The following NEUROD2 variants were observed in gnomAD, a reference collection of about 807,000 sequenced individuals.
NEUROD2 encodes the protein neurogenic differentiation factor 2.
Under a neutral mutation model 9.3 loss-of-function variants are expected in NEUROD2, and 5 were observed. That is an observed-to-expected ratio of 0.54 (90% CI 0.28 to 1.13). The LOEUF is 1.13. Ranked by LOEUF, NEUROD2 falls within the 50% of genes most tolerant of loss-of-function variation. The probability of loss-of-function intolerance (pLI) is 0.10; values close to 1 mark genes in which losing one functional copy is unlikely to be tolerated. For missense variants in NEUROD2, 376 were observed against 549.2 expected, an observed-to-expected ratio of 0.68 and a Z score of 3.15; for synonymous variants, 277 against 257.3, an observed-to-expected ratio of 1.08 and a Z score of -0.73.
rs2056760530 is a variant in NEUROD2 at position 39,604,845 on chromosome 17, A to C, written c.*606T>G. On this transcript the variant is annotated 3_prime_UTR_variant, in exon 2 of 2. Transcript: ENST00000302584. ...GAAAAGGGAAAAACGGATTCTAGTT[A>C]CAAATTGTCTTGGCCTCTCTCTTTC... The C allele has an allele frequency of 7.8e-6, 1 of 128,470 alleles. No individual in the cohort carries two copies. Among genetic ancestry groups the C allele is most frequent in the Non-Finnish European group, 1.5e-5 (1 of 65,036 alleles). The allele number at this position is 128,470 out of a possible 1,614,324, so 8.0% of individuals were successfully genotyped here.
chr17:39,607,538 A>G, intron 1 of NEUROD2, 190 bp downstream of exon 1: 1 of 905,022 alleles, frequency 1.1e-6, no homozygotes, highest in Non-Finnish European at 1.3e-6. Context: ...TCGCAGGCAG[A>G]GACACCTCCT....
Position 39,605,159 on chromosome 17 carries a change from G to T in NEUROD2, c.*292C>A, listed in dbSNP as rs570821806. The T allele has an allele frequency of 1.4e-4, 45 of 313,146 alleles. No individual in the cohort carries two copies. The highest frequency in any genetic ancestry group is 8.7e-4 in the African/African-American group (41 of 46,928). The allele number at this position is 313,146 out of a possible 1,614,324, so 19.4% of individuals were successfully genotyped here. ...CAGCGAAGATATTGGGAATGGGGGAGGGGTGCCTCCAGGGAGCCCCCGGAG... is the reference window on the plus strand; with the variant it reads ...CAGCGAAGATATTGGGAATGGGGGATGGGTGCCTCCAGGGAGCCCCCGGAG... On this transcript the variant is annotated 3_prime_UTR_variant, in exon 2 of 2. Coordinates refer to ENST00000302584, the MANE Select transcript of NEUROD2 (RefSeq NM_006160.4). This position sits in a 1 kb window ranked among gnomAD's most constrained non-coding sequence, Gnocchi z 6.8.
Position 39,606,078 on chromosome 17 carries a change from C to A in NEUROD2, c.522G>T (p.Ser174=). Residue 174 remains serine (S), a synonymous_variant, in exon 2 of 2, where the codon TCG becomes TCT. Coordinates refer to ENST00000302584, the MANE Select transcript of NEUROD2 (RefSeq NM_006160.4). The surrounding 1 kb of genome is among the most constrained non-coding windows in gnomAD (Gnocchi z 7.8). ...RLAKNYIWAL[S]EILRSGKRPD... ...GCCGCTTGCCGGAGCGCAGGATCTC[C>A]GAGAGCGCCCAGATATAGTTCTTGG... The A allele has an allele frequency of 3.1e-6, 5 of 1,614,006 alleles. No homozygotes were observed. Among genetic ancestry groups the A allele is most frequent in the Non-Finnish European group, 4.2e-6 (5 of 1,179,912 alleles).
Position 39,604,860 on chromosome 17 carries a change from C to T in NEUROD2, c.*591G>A, listed in dbSNP as rs1255756458. On this transcript the variant is annotated 3_prime_UTR_variant, in exon 2 of 2. Transcript: ENST00000302584. ...GATTCTAGTTACAAATTGTCTTGGC[C>T]TCTCTCTTTCCTCTCAATCCACTTC... 1 of 138,178 alleles carries T rather than the reference C, an allele frequency of 7.2e-6. No individual in the cohort carries two copies. The highest frequency in any genetic ancestry group is 1.5e-5 in the Non-Finnish European group (1 of 66,114). 8.6% of individuals were successfully genotyped at this position (138,178 alleles called of 1,614,324 possible).
Position 39,605,563 on chromosome 17 carries a change from G to A in NEUROD2, c.1037C>T (p.Ser346Leu). Reference protein sequence around the residue: ...RPTGHGLVFGSSAVRGGVHSE... With the variant: ...RPTGHGLVFGLSAVRGGVHSE... ...GTGGACGCCCCCGCGCACAGCCGACGAGCCGAAGACTAGCCCGTGGCCCGT... is the reference window on the plus strand; with the variant it reads ...GTGGACGCCCCCGCGCACAGCCGACAAGCCGAAGACTAGCCCGTGGCCCGT... Residue 346 changes from serine to leucine, a missense_variant, in exon 2 of 2, where the codon TCG (serine) becomes TTG (leucine). Transcript: ENST00000302584. This position sits in a 1 kb window ranked among gnomAD's most constrained non-coding sequence, Gnocchi z 6.8. 6.2e-7 allele frequency: 1 copy of A among 1,613,756 alleles called. No homozygotes were observed. Among genetic ancestry groups the A allele is most frequent in the Non-Finnish European group, 8.5e-7 (1 of 1,179,902 alleles).
chr17:39,605,855 C>G lies in NEUROD2; in HGVS notation c.745G>C (p.Ala249Pro). Residue 249 changes from alanine (A) to proline (P), a missense_variant, in exon 2 of 2, where the codon GCA becomes CCA. By Grantham distance (27) the Ala-to-Pro change is conservative. Around this residue, in one of 3 missense-constraint regions of NEUROD2, gnomAD observed 193 missense variants for 255.8 expected, o/e 0.75. Transcript: ENST00000302584. This position sits in a 1 kb window ranked among gnomAD's most constrained non-coding sequence, Gnocchi z 6.8. ...YPYPCSRLAG[A>P]QCQAAGGLGG... is the part of the protein sequence containing the mutation. ...AGGCCGCCGGCCGCCTGGCACTGTG[C>G]GCCCGCCAGGCGCGAGCACGGGTAC... 3 of 1,490,440 alleles carry G rather than the reference C, an allele frequency of 2.0e-6. No individual in the cohort carries two copies. The highest frequency in any genetic ancestry group is 2.7e-6 in the Non-Finnish European group (3 of 1,125,432). The allele number at this position is 1,490,440 out of a possible 1,614,324, so 92.3% of individuals were successfully genotyped here. A position where few individuals can be genotyped will look rare whatever the true frequency, so the allele number is the denominator to read the frequency against.
Position 39,605,630 on chromosome 17 carries a change from G to A in NEUROD2, c.970C>T (p.His324Tyr). ...DSSPDHEKSY[H>Y]YSMHYSALPG... ...AGCGCCGAGTAGTGCATAGAGTAGT[G>A]GTAGCTTTTCTCGTGGTCGGGCGAG... The change falls in exon 2 of 2, where the codon CAC (histidine) becomes TAC (tyrosine). Residue 324 changes from histidine to tyrosine, a missense_variant. By Grantham distance (83) the His-to-Tyr change is moderately conservative (BLOSUM62 2). This residue lies in a region of NEUROD2 where 193 missense variants were observed against 255.8 expected (regional missense o/e 0.75). Coordinates refer to ENST00000302584, the MANE Select transcript of NEUROD2 (RefSeq NM_006160.4). The surrounding 1 kb of genome is among the most constrained non-coding windows in gnomAD (Gnocchi z 6.8). 6.2e-7 allele frequency: 1 copy of A among 1,613,228 alleles called. No individual in the cohort carries two copies. Among genetic ancestry groups the A allele is most frequent in the Non-Finnish European group, 8.5e-7 (1 of 1,179,618 alleles).
chr17:39,606,449 G>T lies in NEUROD2; in HGVS notation c.151C>A (p.Pro51Thr), dbSNP rs1268605241. The T allele has an allele frequency of 1.3e-6, 2 of 1,520,628 alleles. No individual in the cohort carries two copies. Among genetic ancestry groups the T allele is most frequent in the Non-Finnish European group, 1.8e-6 (2 of 1,140,066 alleles). 94.2% of individuals were successfully genotyped at this position (1,520,628 alleles called of 1,614,324 possible). The change falls in exon 2 of 2, where the codon CCA becomes ACA. Residue 51 changes from proline (P) to threonine (T), a missense_variant. Pro to Thr is a conservative substitution (Grantham distance 38, BLOSUM62 -1). Transcript: ENST00000302584. This position sits in a 1 kb window ranked among gnomAD's most constrained non-coding sequence, Gnocchi z 7.8. Reference sequence around the variant, plus strand: ...GGGACTGGCTTGGCCGCCCGGGCTGGCCCCGGAGCCCCTGGCCCGGGCGCA... The same window carrying T: ...GGGACTGGCTTGGCCGCCCGGGCTGTCCCCGGAGCCCCTGGCCCGGGCGCA... ...PPAPGPGAPG[P>T]ARAAKPVPLR...
Position 39,606,573 on chromosome 17 carries a change from G to A in NEUROD2, c.27C>T (p.Pro9=). 6.3e-7 allele frequency: 1 copy of A among 1,583,546 alleles called. No homozygotes were observed. The change falls in exon 2 of 2, where the codon CCC becomes CCT. Residue 9 remains proline, a synonymous_variant. Coordinates refer to ENST00000302584, the MANE Select transcript of NEUROD2 (RefSeq NM_006160.4). This position sits in a 1 kb window ranked among gnomAD's most constrained non-coding sequence, Gnocchi z 7.8. MLTRLFSE[P]GLLSDVPKFA... Reference sequence around the variant, plus strand: ...ACTTGGGCACGTCCGAGAGAAGGCCGGGCTCGCTGAACAGGCGGGTCAGCA... The same window carrying A: ...ACTTGGGCACGTCCGAGAGAAGGCCAGGCTCGCTGAACAGGCGGGTCAGCA...
chr17:39,605,780 A>G lies in NEUROD2; in HGVS notation c.820T>C (p.Tyr274His). The change falls in exon 2 of 2, where the codon TAC becomes CAC. Residue 274 changes from tyrosine (Y) to histidine (H), a missense_variant. By Grantham distance (83) the Tyr-to-His change is moderately conservative (BLOSUM62 2). Around this residue, in one of 3 missense-constraint regions of NEUROD2, gnomAD observed 193 missense variants for 255.8 expected, o/e 0.75. Coordinates refer to ENST00000302584, the MANE Select transcript of NEUROD2 (RefSeq NM_006160.4). This position sits in a 1 kb window ranked among gnomAD's most constrained non-coding sequence, Gnocchi z 6.8. ...CCTGCCGCCGCATACAGCGTCTCGTAGGCGGCGCAGTAGCCGTGGGTCCGC... is the reference window on the plus strand; with the variant it reads ...CCTGCCGCCGCATACAGCGTCTCGTGGGCGGCGCAGTAGCCGTGGGTCCGC... ...ALRTHGYCAA[Y>H]ETLYAAAGGG... is the part of the protein sequence containing the mutation. 1 of 1,439,524 alleles carries G rather than the reference A, an allele frequency of 6.9e-7. No homozygotes were observed. Among genetic ancestry groups the G allele is most frequent in the Non-Finnish European group, 9.1e-7 (1 of 1,098,940 alleles). 89.2% of individuals were successfully genotyped at this position (1,439,524 alleles called of 1,614,324 possible).
rs1567841928 is a variant in NEUROD2 at position 39,606,862 on chromosome 17, GC to G, written c.-5-259del. 2.2e-6 allele frequency: 1 copy of G among 449,014 alleles called. No individual in the cohort carries two copies. The highest frequency in any genetic ancestry group is 3.9e-6 in the Non-Finnish European group (1 of 256,458). 27.8% of individuals were successfully genotyped at this position (449,014 alleles called of 1,614,324 possible). ...GCTCCGCCCCTCGCTTGAATGGGGG[GC>G]TGCTCCCCGCGCCTGCTTCTTCTCA... On this transcript the variant is annotated intron_variant, in intron 1 of 1. Coordinates refer to ENST00000302584, the MANE Select transcript of NEUROD2 (RefSeq NM_006160.4). The surrounding 1 kb of genome is among the most constrained non-coding windows in gnomAD (Gnocchi z 7.8).
chr17:39,606,288 GCGCTTCTTGGGC>G lies in NEUROD2; in HGVS notation c.300_311del (p.Pro101_Arg104del). 1 of 1,607,964 alleles carries G rather than the reference GCGCTTCTTGGGC, an allele frequency of 6.2e-7. No homozygotes were observed. Among genetic ancestry groups the G allele is most frequent in the Non-Finnish European group, 8.5e-7 (1 of 1,179,060 alleles). On this transcript the variant is annotated inframe_deletion, in exon 2 of 2. Transcript: ENST00000302584. This position sits in a 1 kb window ranked among gnomAD's most constrained non-coding sequence, Gnocchi z 7.8. ...TGGTCATCTTGCGCTTCTTGGGCCC[GCGCTTCTTGGGC>G]CGCTCGCCCTCCGCCTCGTCCAGTC...
Position 39,606,626 on chromosome 17 carries a change from G to A in NEUROD2, c.-5-22C>T. ...GTGCCTGAGGGCGCCCCGCGGGCGG[G>A]AAGGGGAGACAGACAGCACAAAGTG... On this transcript the variant is annotated intron_variant, in intron 1 of 1. Coordinates refer to ENST00000302584, the MANE Select transcript of NEUROD2 (RefSeq NM_006160.4). This position sits in a 1 kb window ranked among gnomAD's most constrained non-coding sequence, Gnocchi z 7.8. The A allele has an allele frequency of 1.3e-6, 2 of 1,526,510 alleles. No individual in the cohort carries two copies. The highest frequency in any genetic ancestry group is 1.7e-6 in the Non-Finnish European group (2 of 1,148,410). The allele number at this position is 1,526,510 out of a possible 1,614,324, so 94.6% of individuals were successfully genotyped here.
chr17:39,606,628 AG>A lies in NEUROD2; in HGVS notation c.-5-25del. 6.6e-7 allele frequency: 1 copy of A among 1,523,318 alleles called. No individual in the cohort carries two copies. The highest frequency in any genetic ancestry group is 1.2e-5 in the South Asian group (1 of 82,232). The allele number at this position is 1,523,318 out of a possible 1,614,324, so 94.4% of individuals were successfully genotyped here. A position where few individuals can be genotyped will look rare whatever the true frequency, so the allele number is the denominator to read the frequency against. On this transcript the variant is annotated intron_variant, in intron 1 of 1. Transcript: ENST00000302584. This position sits in a 1 kb window ranked among gnomAD's most constrained non-coding sequence, Gnocchi z 7.8. Reference sequence around the variant, plus strand: ...GCCTGAGGGCGCCCCGCGGGCGGGAAGGGGAGACAGACAGCACAAAGTGAGG... The same window carrying A: ...GCCTGAGGGCGCCCCGCGGGCGGGAAGGGAGACAGACAGCACAAAGTGAGG...
Position 39,606,363 on chromosome 17 carries a change from C to T in NEUROD2, c.237G>A (p.Leu79=). ...TLAEVKEEGE[L]GGEEEEEEEE... ...CCTCTTCCTCCTCCTCCTCTCCCCC[C>T]AGCTCGCCTTCCTCCTTGACCTCGG... The change falls in exon 2 of 2, where the codon CTG becomes CTA. Residue 79 remains leucine, a synonymous_variant. Transcript: ENST00000302584. This position sits in a 1 kb window ranked among gnomAD's most constrained non-coding sequence, Gnocchi z 7.8. 6.4e-7 allele frequency: 1 copy of T among 1,571,148 alleles called. No homozygotes were observed. Among genetic ancestry groups the T allele is most frequent in the Non-Finnish European group, 8.6e-7 (1 of 1,161,022 alleles).
At chr17:39,607,432 TG>T in intron 1 of NEUROD2, 1 of 189,684 alleles carries the variant, frequency 5.3e-6, no homozygotes, top group Non-Finnish European at 9.8e-6. Flanking sequence ...TGGGGAAAGG[TG>T]GCAGGCTTTT....
Position 39,606,465 on chromosome 17 carries a change from C to T in NEUROD2, c.135G>A (p.Gly45=). ...DAPPPPPPAP[G]PGAPGPARAA... ...CCCGGGCTGGCCCCGGAGCCCCTGG[C>T]CCGGGCGCAGGCGGTGGCGGTGGCG... The change falls in exon 2 of 2, where the codon GGG becomes GGA. Residue 45 remains glycine (G), a synonymous_variant. Transcript: ENST00000302584. The surrounding 1 kb of genome is among the most constrained non-coding windows in gnomAD (Gnocchi z 7.8). 1.3e-6 allele frequency: 2 copies of T among 1,532,886 alleles called. No individual in the cohort carries two copies. Among genetic ancestry groups the T allele is most frequent in the East Asian group, 2.5e-5 (1 of 40,802 alleles). The allele number at this position is 1,532,886 out of a possible 1,614,324, so 95.0% of individuals were successfully genotyped here. A position where few individuals can be genotyped will look rare whatever the true frequency, so the allele number is the denominator to read the frequency against.
Position 39,606,620 on chromosome 17 carries a change from G to A in NEUROD2, c.-5-16C>T. 1.3e-6 allele frequency: 2 copies of A among 1,527,606 alleles called. No individual in the cohort carries two copies. Among genetic ancestry groups the A allele is most frequent in the Non-Finnish European group, 1.7e-6 (2 of 1,149,326 alleles). 94.6% of individuals were successfully genotyped at this position (1,527,606 alleles called of 1,614,324 possible). ...AGCATGGTGCCTGAGGGCGCCCCGC[G>A]GGCGGGAAGGGGAGACAGACAGCAC... On this transcript the variant is annotated splice_polypyrimidine_tract_variant and intron_variant, in intron 1 of 1. Coordinates refer to ENST00000302584, the MANE Select transcript of NEUROD2 (RefSeq NM_006160.4). The surrounding 1 kb of genome is among the most constrained non-coding windows in gnomAD (Gnocchi z 7.8).
rs2056759948 is a variant in NEUROD2 at position 39,604,780 on chromosome 17, T to TTTTTTTTTTTTTTTTTTG, written c.*670_*671insCAAAAAAAAAAAAAAAAA. On this transcript the variant is annotated 3_prime_UTR_variant, in exon 2 of 2. Transcript: ENST00000302584. ...CTTTTTTTTTTTTTTTTTTTTTTTT[T>TTTTTTTTTTTTTTTTTTG]TTTTTTTTTTTTTTTGTATGTTTGT... 1 of 137,012 alleles carries TTTTTTTTTTTTTTTTTTG rather than the reference T, an allele frequency of 7.3e-6. No individual in the cohort carries two copies. The highest frequency in any genetic ancestry group is 2.1e-4 in the East Asian group (1 of 4,794). The allele number at this position is 137,012 out of a possible 1,614,324, so 8.5% of individuals were successfully genotyped here.
Sources: allele counts gnomAD v4.1 joint callset, GRCh38; gene constraint gnomAD v4.1.1; regional missense constraint gnomAD v4.1.1; non-coding constraint Gnocchi (gnomAD v3.1); transcripts MANE v1.5; gene names NCBI Gene and HGNC (gene_info 2026-07-23, HGNC 2026-07-21).